Variants in PAPOLG observed in about 807,000 individuals in gnomAD.
PAPOLG encodes the protein poly(A) polymerase gamma.
Under a neutral mutation model 99.0 loss-of-function variants are expected in PAPOLG, and 40 were observed. The ratio of observed to expected loss-of-function variants is 0.40; its 90% CI spans 0.31 to 0.53. The LOEUF is 0.53. Ranked by LOEUF, PAPOLG falls within the 20% of genes least tolerant of loss-of-function variation. The pLI is 0.41. For synonymous variants in PAPOLG, 310 were observed against 299.3 expected (o/e 1.04, Z -0.37); for missense variants, 675 against 884.1 (o/e 0.76, Z 3.00).
intron 5 of PAPOLG, 161 bp from the exon 6 acceptor site, chr2:60,770,297 T>A (rs576670697): frequency 1.5e-5 from 3 of 204,514 alleles, no homozygotes; most frequent in Admixed American, 1.3e-4. Flanking sequence ...AAATCGGGAG[T>A]AAAGATATTC....
At chr2:60,781,825 A>G (rs1366089052) in intron 10 of PAPOLG, 60 bp from the exon 11 acceptor site, 4 of 1,603,112 alleles carry the variant, frequency 2.5e-6, no homozygotes, top group Non-Finnish European at 3.4e-6. Context: ...TTTTGGGGAA[A>G]TGAAGTGAGA....
At chr2:60,789,874 G>C (rs892554833) in intron 15 of PAPOLG, among the ~76,000 whole-genome samples, 6 of 152,194 alleles carry the variant, frequency 3.9e-5, no homozygotes, top group African/African-American at 1.4e-4. Context: ...CAAATTACCT[G>C]AGGTCTGGAG....
intron 21 of PAPOLG, 71 bp downstream of exon 21, chr2:60,795,091 G>A (rs1315594893): frequency 2.3e-6 from 3 of 1,315,374 alleles, no homozygotes; most frequent in African/African-American, 1.5e-5. Flanking sequence ...AAGTACAAAA[G>A]GCTTATTAAG....
chr2:60,793,956 T>G lies in PAPOLG; in HGVS notation c.1769-15T>G. 1.3e-6 allele frequency: 2 copies of G among 1,595,848 alleles called. No individual in the cohort carries two copies. Among genetic ancestry groups the G allele is most frequent in the South Asian group, 1.1e-5 (1 of 88,280 alleles). ...ATAAATGTTTAATTATTAAAATCCT[T>G]TTTTTCCTTTTCAGAAGTTGACTCT... On this transcript the variant is annotated splice_polypyrimidine_tract_variant and intron_variant, in intron 18 of 21. Transcript: ENST00000238714.
chr2:60,775,830 C>T (rs1458886167), intron 8 of PAPOLG, among the ~76,000 whole-genome samples: 1 of 150,802 alleles, frequency 6.6e-6, no homozygotes, highest in Middle Eastern at 3.2e-3. Context: ...AGTGGGCAAT[C>T]TTGGCTCACA....
At chr2:60,766,894 C>T (rs1041974240) in intron 3 of PAPOLG, among the ~76,000 whole-genome samples, 2 of 152,050 alleles carry the variant, frequency 1.3e-5, no homozygotes, top group Non-Finnish European at 2.9e-5. Context: ...ACAACAGGCC[C>T]AAGGATCCTT....
chr2:60,770,840 G>A (rs1277581947), intron 6 of PAPOLG, among the ~76,000 whole-genome samples: 1 of 152,056 alleles, frequency 6.6e-6, no homozygotes, highest in Non-Finnish European at 1.5e-5. Context: ...AGCCAGGATG[G>A]TCTCAATCTC....
Position 60,756,310 on chromosome 2 carries a change from T to G in PAPOLG, c.-169T>G. 1.3e-6 allele frequency: 1 copy of G among 774,738 alleles called. No homozygotes were observed. Among genetic ancestry groups the G allele is most frequent in the Non-Finnish European group, 2.2e-6 (1 of 450,052 alleles). 48.0% of individuals were successfully genotyped at this position (774,738 alleles called of 1,614,324 possible). ...TGTATTGTCATAAATAGAGCCGGTT[T>G]TGTGGTGTTTTCACTACTCGGTTGG... is the stretch of plus-strand genomic sequence containing the variant. On this transcript the variant is annotated 5_prime_UTR_variant, in exon 1 of 22. Coordinates refer to ENST00000238714, the MANE Select transcript of PAPOLG (RefSeq NM_022894.4).
intron 3 of PAPOLG, among the ~76,000 whole-genome samples, chr2:60,763,649 G>A (rs527498969): frequency 9.9e-4 from 150 of 152,096 alleles, no homozygotes; most frequent in Non-Finnish European, 1.8e-3. Flanking sequence ...GGCTACAGGT[G>A]CACACCACCA....
intron 3 of PAPOLG, among the ~76,000 whole-genome samples, chr2:60,766,005 C>G (rs1375438812): frequency 6.6e-6 from 1 of 152,134 alleles, no homozygotes; most frequent in African/African-American, 2.4e-5. Context: ...ATTTGTGATA[C>G]TCTTAACCTT....
intron 19 of PAPOLG, 100 bp downstream of exon 19, chr2:60,794,291 G>A: frequency 3.3e-6 from 4 of 1,204,792 alleles, no homozygotes; most frequent in East Asian, 2.6e-5. Context: ...GTTAGGAGTT[G>A]GCTGAAAAGA....
At chr2:60,767,975 A>T (rs1670732389) in intron 3 of PAPOLG, among the ~76,000 whole-genome samples, 1 of 152,232 alleles carries the variant, frequency 6.6e-6, no homozygotes, top group Non-Finnish European at 1.5e-5. Flanking sequence ...TCCTCTGGGA[A>T]TACCCTTATT....
At position 60,795,750 on chromosome 2, in the gene PAPOLG, G is replaced by C. The variant is rs189385042; in HGVS notation, c.2112+730G>C. On this transcript the variant is annotated intron_variant, in intron 21 of 21. Coordinates refer to ENST00000238714, the MANE Select transcript of PAPOLG (RefSeq NM_022894.4). ...AGTGCTTTTCATCAACTGTTACCCTGCCAGGTTCTCCAGGATGTAGTAGCT... is the reference window on the plus strand; with the variant it reads ...AGTGCTTTTCATCAACTGTTACCCTCCCAGGTTCTCCAGGATGTAGTAGCT... Among the ~76,000 whole-genome samples the C allele has an allele frequency of 2.0e-5, 3 of 152,072 alleles. No individual in the cohort carries two copies. In the East Asian group the frequency reaches 5.8e-4, roughly 29 times the overall value.
rs766458681 is a variant in PAPOLG, at chr2:60,797,526, G to GTTTTTTTTT, written c.*371_*372insTTTTTTTTT. ...ACTCCTTTTTTGTTTTGTTTTTTGT[G>GTTTTTTTTT]TTTTTCTTTTTTTGTCTTATGTTGT... On this transcript the variant is annotated 3_prime_UTR_variant, in exon 22 of 22. Transcript: ENST00000238714. 1 of 169,664 alleles carries GTTTTTTTTT rather than the reference G, an allele frequency of 5.9e-6. No individual in the cohort carries two copies. Among genetic ancestry groups the GTTTTTTTTT allele is most frequent in the Non-Finnish European group, 1.2e-5 (1 of 80,358 alleles). The allele number at this position is 169,664 out of a possible 1,614,324, so 10.5% of individuals were successfully genotyped here.
At chr2:60,771,851 C>G (rs953618408) in intron 7 of PAPOLG, among the ~76,000 whole-genome samples, 1 of 152,140 alleles carries the variant, frequency 6.6e-6, no homozygotes, top group African/African-American at 2.4e-5. Flanking sequence ...TTACTGGTCT[C>G]AAGACTTCTT....
rs1671565324 is a variant in PAPOLG, at chr2:60,792,354, CT to C, written c.1679+69del. On this transcript the variant is annotated intron_variant, in intron 17 of 21. Transcript: ENST00000238714. The stretch of plus-strand genomic sequence containing the variant: ...TCAGTTTATTTGAGGATAATGTGAA[CT>C]TTTCTATACCTCTGCTACTGCCTTT... 18 of 1,385,646 alleles carry C rather than the reference CT, an allele frequency of 1.3e-5. No individual in the cohort carries two copies. In the South Asian group the frequency reaches 2.0e-4, roughly 16 times the overall value. 85.8% of individuals were successfully genotyped at this position (1,385,646 alleles called of 1,614,324 possible). A position where few individuals can be genotyped will look rare whatever the true frequency, so the allele number is the denominator to read the frequency against.
intron 8 of PAPOLG, among the ~76,000 whole-genome samples, chr2:60,776,479 GT>G (rs1465120570): frequency 1.4e-5 from 2 of 142,202 alleles, no homozygotes; most frequent in Non-Finnish European, 3.0e-5. Context: ...CCAGGCTGGA[GT>G]GCAGTGGCGC....
At chr2:60,782,112 T>G in intron 11 of PAPOLG, 107 bp downstream of exon 11, 1 of 1,153,982 alleles carries the variant, frequency 8.7e-7, no homozygotes, top group Non-Finnish European at 1.2e-6. Context: ...TACCTATTCT[T>G]TCTAAAAATT....
intron 9 of PAPOLG, 103 bp downstream of exon 9, chr2:60,779,878 C>G: frequency 2.0e-6 from 2 of 1,000,354 alleles, no homozygotes; most frequent in Non-Finnish European, 2.8e-6. Context: ...TGTTGTTTTA[C>G]ATTGCTTTGT....
Sources: allele counts gnomAD v4.1 joint callset (sites outside exome capture counted in the v4.1 genomes callset), GRCh38; gene constraint gnomAD v4.1.1; transcripts MANE v1.5; gene names NCBI Gene and HGNC (gene_info 2026-07-23, HGNC 2026-07-21).